The following CACNA2D3 variants were observed in gnomAD, a reference collection of about 807,000 sequenced individuals.
CACNA2D3 encodes voltage-dependent calcium channel subunit alpha-2/delta-3.
In CACNA2D3, 60 loss-of-function variants were observed where a neutral mutation model predicts 160.6. The ratio of observed to expected loss-of-function variants is 0.37; its 90% confidence interval spans 0.30 to 0.46. CACNA2D3 has a LOEUF of 0.46. Among genes scored for constraint, CACNA2D3 ranks in the 20% least tolerant of loss-of-function variants. The probability of loss-of-function intolerance (pLI) is 1.00; values close to 1 mark genes in which losing one functional copy is unlikely to be tolerated. For synonymous variants in CACNA2D3, 558 were observed against 492.9 expected (o/e 1.13, Z -1.75); for missense variants, 1,205 against 1,365.0 (o/e 0.88, Z 1.85).
intron 2 of CACNA2D3, among the ~76,000 whole-genome samples, chr3:54,209,192 G>T (rs982639833): frequency 6.6e-6 from 1 of 152,312 alleles, no homozygotes; most frequent in South Asian, 2.1e-4. Context: ...CAGTTCACTG[G>T]AACCAAGGAC....
At chr3:54,754,075 G>A (rs1427783689) in intron 12 of CACNA2D3, among the ~76,000 whole-genome samples, 1 of 152,160 alleles carries the variant, frequency 6.6e-6, no homozygotes, top group Non-Finnish European at 1.5e-5. Flanking sequence ...GACATAATAA[G>A]TGCTCAATAA....
chr3:54,727,168 A>G (rs993669412), intron 11 of CACNA2D3, among the ~76,000 whole-genome samples: 5 of 152,274 alleles, frequency 3.3e-5, no homozygotes, highest in Non-Finnish European at 5.9e-5. Context: ...GCTCATCATC[A>G]CTGATCATTA....
Position 55,059,424 on chromosome 3 carries a change from C to T in CACNA2D3, c.2988-14021C>T, listed in dbSNP as rs547636198. Reference sequence around the variant, plus strand: ...AACAGGAGAGTTATCTGACCCCCCTCGCAGGAAGTGCAACAGGGGTGTGGC... The same window carrying T: ...AACAGGAGAGTTATCTGACCCCCCTTGCAGGAAGTGCAACAGGGGTGTGGC... On this transcript the variant is annotated intron_variant, in intron 35 of 37. Transcript: ENST00000474759. Among the ~76,000 whole-genome samples the T allele has an allele frequency of 2.1e-4, 32 of 152,322 alleles. No individual in the cohort carries two copies. The South Asian group carries it at 6.2e-3, about 30-fold the overall frequency.
intron 2 of CACNA2D3, among the ~76,000 whole-genome samples, chr3:54,265,659 G>GTA (rs1196453416): frequency 1.4e-4 from 10 of 69,358 alleles, no homozygotes; most frequent in African/African-American, 4.8e-4. Context: ...TATATATAGT[G>GTA]TATATATATA....
At chr3:54,266,925 T>C (rs1223346070) in intron 2 of CACNA2D3, among the ~76,000 whole-genome samples, 1 of 152,130 alleles carries the variant, frequency 6.6e-6, no homozygotes, top group African/African-American at 2.4e-5. Context: ...GCTTTTTTTT[T>C]GCAACACTTC....
chr3:54,736,054 T>TAA (rs1559563593), intron 11 of CACNA2D3, among the ~76,000 whole-genome samples: 2 of 74,960 alleles, frequency 2.7e-5, no homozygotes, highest in African/African-American at 9.9e-5. Flanking sequence ...TACACATACA[T>TAA]ATGTATGTAT....
intron 27 of CACNA2D3, chr3:54,918,442 ATTTGAGAC>A (rs749180723): frequency 1.2e-6 from 2 of 1,602,338 alleles, no homozygotes; most frequent in Non-Finnish European, 1.7e-6. Flanking sequence ...GACCAATCCT[ATTTGAGAC>A]AAAAGCTCTC....
chr3:54,934,378 A>G (rs1230979151), intron 27 of CACNA2D3, among the ~76,000 whole-genome samples: 1 of 149,676 alleles, frequency 6.7e-6, no homozygotes, highest in Non-Finnish European at 1.5e-5. Flanking sequence ...CTCTAGTAAG[A>G]AAGTGGGGAG....
intron 4 of CACNA2D3, among the ~76,000 whole-genome samples, chr3:54,486,394 C>T (rs1575483636): frequency 6.6e-6 from 1 of 152,142 alleles, no homozygotes; most frequent in East Asian, 1.9e-4. Context: ...GGGAAGCCAA[C>T]CTAACTGCAA....
At chr3:54,233,247 A>G (rs563579688) in intron 2 of CACNA2D3, among the ~76,000 whole-genome samples, 13 of 152,214 alleles carry the variant, frequency 8.5e-5, no homozygotes, top group Non-Finnish European at 1.5e-5. Flanking sequence ...GTCTGTTAGC[A>G]TTTACTCTCG....
rs549081482 is a variant in CACNA2D3, at chr3:54,802,894, C to T, written c.1381-13959C>T. On this transcript the variant is annotated intron_variant, in intron 13 of 37. Coordinates refer to ENST00000474759, the MANE Select transcript of CACNA2D3 (RefSeq NM_018398.3). ...AGGAACGATCAGACAGCAGCATTCG[C>T]GATTCACGAAAGTCCGCTGTTCTGC... Among the ~76,000 whole-genome samples, 31 of 152,270 alleles carry T rather than the reference C, an allele frequency of 2.0e-4. No individual in the cohort carries two copies. In the South Asian group the frequency reaches 4.8e-3, roughly 23 times the overall value.
At chr3:54,444,373 T>C (rs1700188658) in intron 4 of CACNA2D3, among the ~76,000 whole-genome samples, 1 of 152,212 alleles carries the variant, frequency 6.6e-6, no homozygotes, top group African/African-American at 2.4e-5. Context: ...CCAGCCTTGT[T>C]GATTCTGTGA....
intron 13 of CACNA2D3, among the ~76,000 whole-genome samples, chr3:54,786,264 T>C (rs1702639722): frequency 6.6e-6 from 1 of 152,190 alleles, no homozygotes; most frequent in Non-Finnish European, 1.5e-5. Flanking sequence ...TAACTGACAT[T>C]TTTTTGTTTA....
At chr3:55,068,462 C>T (rs1437579837) in intron 35 of CACNA2D3, among the ~76,000 whole-genome samples, 1 of 152,160 alleles carries the variant, frequency 6.6e-6, no homozygotes, top group Non-Finnish European at 1.5e-5. Flanking sequence ...TCCATTTACT[C>T]TAGTCTAACA....
intron 2 of CACNA2D3, among the ~76,000 whole-genome samples, chr3:54,174,402 A>G (rs560737410): frequency 5.2e-5 from 8 of 152,388 alleles, no homozygotes; most frequent in Admixed American, 3.3e-4. Context: ...ATGGCAAACC[A>G]TTCTGATAAC....
chr3:54,541,798 A>G (rs1701983867), intron 5 of CACNA2D3, among the ~76,000 whole-genome samples: 1 of 152,188 alleles, frequency 6.6e-6, no homozygotes, highest in Admixed American at 6.5e-5. Context: ...GATTGAAGCT[A>G]GGCCCAGACA....
intron 27 of CACNA2D3, chr3:54,924,661 A>C (rs748661083): frequency 6.2e-7 from 1 of 1,614,028 alleles, no homozygotes; most frequent in Non-Finnish European, 8.5e-7. Context: ...AGACCGAGCA[A>C]GTGGCAATTG....
chr3:54,581,643 G>T (rs750977467), intron 8 of CACNA2D3, among the ~76,000 whole-genome samples, 160 bp from the exon 9 acceptor site: 1 of 152,212 alleles, frequency 6.6e-6, no homozygotes, highest in Non-Finnish European at 1.5e-5. Context: ...CATAATCATA[G>T]TTGTCTAGAG....
chr3:54,948,171 C>T (rs1031613243), intron 27 of CACNA2D3, among the ~76,000 whole-genome samples: 2 of 152,182 alleles, frequency 1.3e-5, no homozygotes, highest in African/African-American at 4.8e-5. Context: ...ACCCCCAGCT[C>T]ACTTTCCCCT....
Sources: allele counts gnomAD v4.1 joint callset (sites outside exome capture counted in the v4.1 genomes callset), GRCh38; gene constraint gnomAD v4.1.1; transcripts MANE v1.5; gene names NCBI Gene and HGNC (gene_info 2026-07-23, HGNC 2026-07-21).